LOXL4: variants seen among roughly 807,000 people sequenced by gnomAD.
The protein encoded by LOXL4 is lysyl oxidase homolog 4.
LOXL4 carries 72 observed loss-of-function variants against 89.1 expected under a neutral mutation model. That is an observed-to-expected ratio of 0.81 (90% CI 0.67 to 0.98). The LOEUF (loss-of-function observed/expected upper bound fraction) is 0.98. Ranked by LOEUF, LOXL4 falls within the 50% of genes least tolerant of loss-of-function variation. The pLI is 0.00. For missense variants in LOXL4, 984 were observed against 1,017.5 expected (o/e 0.97, Z 0.45); for synonymous variants, 355 against 392.1 (o/e 0.91, Z 1.12).
intron 14 of LOXL4, among the ~76,000 whole-genome samples, chr10:98,250,385 C>T (rs1345286385): frequency 6.6e-6 from 1 of 152,228 alleles, no homozygotes; most frequent in East Asian, 1.9e-4. Context: ...TTCTGGGGCA[C>T]AGCGTTCAAC....
Position 98,260,941 on chromosome 10 carries a change from C to A in LOXL4, c.643G>T (p.Val215Phe). Residue 215 changes from valine (V) to phenylalanine (F), a missense_variant, in exon 4 of 15, where the codon GTC (valine) becomes TTC (phenylalanine). By Grantham distance (50) the Val-to-Phe change is conservative. Transcript: ENST00000260702. Reference sequence around the variant, plus strand: ...TCCTACCTGTAGTAGTGGCTGTCGACAGGCACCTCGCTGGGGAAGCCCAGC... The same window carrying A: ...TCCTACCTGTAGTAGTGGCTGTCGAAAGGCACCTCGCTGGGGAAGCCCAGC... Reference protein sequence around the residue: ...GMLGFPSEVPVDSHYYRKVWD... With the variant: ...GMLGFPSEVPFDSHYYRKVWD... 1 of 1,612,148 alleles carries A rather than the reference C, an allele frequency of 6.2e-7. No individual in the cohort carries two copies. The highest frequency in any genetic ancestry group is 1.1e-5 in the South Asian group (1 of 90,854).
At chr10:98,255,011 G>C (rs1326455909) in intron 10 of LOXL4, among the ~76,000 whole-genome samples, 1 of 152,236 alleles carries the variant, frequency 6.6e-6, no homozygotes, top group Non-Finnish European at 1.5e-5. Context: ...ACCTGGCTGG[G>C]AGATGTCAGA....
chr10:98,259,544 T>G (rs1858481076), intron 4 of LOXL4, 115 bp from the exon 5 acceptor site: 2 of 893,556 alleles, frequency 2.2e-6, no homozygotes, highest in Non-Finnish European at 3.7e-6. Flanking sequence ...TTTGTAAACT[T>G]ATTCACTAAT....
intron 1 of LOXL4, among the ~76,000 whole-genome samples, chr10:98,265,607 C>T (rs907353876): frequency 1.2e-5 from 1 of 82,410 alleles, no homozygotes; most frequent in Non-Finnish European, 2.9e-5. Context: ...GGTTTCACCA[C>T]ATCAGTTCTT....
At chr10:98,249,753 A>G (rs1394720716) in intron 14 of LOXL4, among the ~76,000 whole-genome samples, 3 of 152,254 alleles carry the variant, frequency 2.0e-5, no homozygotes, top group East Asian at 3.9e-4. Context: ...GCCTGATTCT[A>G]GCATTATGGA....
At chr10:98,256,566 C>G (rs142094494) in intron 9 of LOXL4, 139 of 588,698 alleles carry the variant, frequency 2.4e-4, no homozygotes, top group African/African-American at 2.0e-3. Context: ...ATCTTTCCTG[C>G]AGATGCAAAT....
At chr10:98,259,469 G>A in intron 4 of LOXL4, 40 bp from the exon 5 acceptor site, 1 of 1,590,214 alleles carries the variant, frequency 6.3e-7, no homozygotes. Context: ...GAAGGGGTGT[G>A]GAAGTCCCAC....
At position 98,248,930 on chromosome 10, in the gene LOXL4, G is replaced by T; in HGVS notation, c.2262C>A (p.Asn754Lys). 1 of 1,613,658 alleles carries T rather than the reference G, an allele frequency of 6.2e-7. No homozygotes were observed. ...SLEQEQRLRN[N>K]LI Reference sequence around the variant, plus strand: ...GTGTGCAGTGACAGCTTCAGATGAGGTTGTTCCTGAGACGCTGTTCCTGCT... The same window carrying T: ...GTGTGCAGTGACAGCTTCAGATGAGTTTGTTCCTGAGACGCTGTTCCTGCT... The change falls in exon 15 of 15, where the codon AAC becomes AAA. Residue 754 changes from asparagine to lysine, a missense_variant. Coordinates refer to ENST00000260702, the MANE Select transcript of LOXL4 (RefSeq NM_032211.7).
In LOXL4 at chr10:98,252,428, G is replaced by A. The variant is rs747951884; in HGVS notation, c.1876C>T (p.Leu626Phe). 6 of 1,614,174 alleles carry A rather than the reference G, an allele frequency of 3.7e-6. No individual in the cohort carries two copies. In the Admixed American group the frequency reaches 8.3e-5, roughly 22 times the overall value. The change falls in exon 12 of 15, where the codon CTC becomes TTC. Residue 626 changes from leucine to phenylalanine, a missense_variant. Physicochemically the swap from Leu to Phe is conservative, Grantham distance 22 (BLOSUM62 0). Transcript: ENST00000260702. Reference sequence around the variant, plus strand: ...GCCACCTTGGAGCCATTGAGAGTGAGGAGGTCGTAGTGGGTGAAGACCTCA... The same window carrying A: ...GCCACCTTGGAGCCATTGAGAGTGAAGAGGTCGTAGTGGGTGAAGACCTCA... ...SIEVFTHYDL[L>F]TLNGSKVAEG... is the part of the protein sequence containing the mutation.
intron 14 of LOXL4, 135 bp from the exon 15 acceptor site, chr10:98,249,126 T>C: frequency 1.5e-6 from 1 of 682,066 alleles, no homozygotes; most frequent in Non-Finnish European, 2.6e-6. Context: ...CCAATCATTT[T>C]ATAGAAATAG....
In LOXL4 at chr10:98,251,484, C is replaced by T; in HGVS notation, c.2088+82G>A. 34 of 1,556,018 alleles carry T rather than the reference C, an allele frequency of 2.2e-5. No individual in the cohort carries two copies. In the South Asian group the frequency reaches 4.1e-4, roughly 19 times the overall value. ...TGTCGGAAACCCTGTATGGGAAATT[C>T]TTCCCTTCATTTGCCCTCAGGGAAA... On this transcript the variant is annotated intron_variant, in intron 13 of 14. Transcript: ENST00000260702.
intron 7 of LOXL4, 28 bp downstream of exon 7, chr10:98,257,953 C>T (rs769822195): frequency 4.3e-6 from 7 of 1,610,886 alleles, no homozygotes; most frequent in Non-Finnish European, 5.9e-6. Flanking sequence ...TCCAGGCCTT[C>T]TAACCCCTCC....
intron 11 of LOXL4, 144 bp from the exon 12 acceptor site, chr10:98,252,612 G>T: frequency 1.7e-6 from 1 of 601,074 alleles, no homozygotes; most frequent in Non-Finnish European, 3.0e-6. Context: ...TCCCAAACCC[G>T]AGATTAGTGT....
intron 6 of LOXL4, 92 bp downstream of exon 6, chr10:98,258,917 T>C: frequency 1.0e-6 from 1 of 963,504 alleles, no homozygotes; most frequent in Non-Finnish European, 1.5e-6. Flanking sequence ...TCCTCTCTCC[T>C]GCGTGTCCTG....
At chr10:98,255,267 T>C (rs1428755387) in intron 10 of LOXL4, among the ~76,000 whole-genome samples, 11 of 152,262 alleles carry the variant, frequency 7.2e-5, no homozygotes, top group Non-Finnish European at 1.6e-4. Flanking sequence ...AAGGAAAAAC[T>C]GCCCTTGCTG....
chr10:98,262,715 A>T, intron 2 of LOXL4, 28 bp downstream of exon 2: 7 of 1,598,140 alleles, frequency 4.4e-6, no homozygotes, highest in Non-Finnish European at 6.0e-6. Context: ...TCTCCTTGCC[A>T]TCCCACTAGG....
intron 9 of LOXL4, chr10:98,256,023 T>C: frequency 2.9e-6 from 1 of 343,420 alleles, no homozygotes; most frequent in Admixed American, 4.4e-5. Context: ...AGGAGGGTCC[T>C]GTTCCCCGCC....
At chr10:98,266,370 T>A (rs11189529) in intron 1 of LOXL4, among the ~76,000 whole-genome samples, 47,142 of 152,082 alleles carry the variant, frequency 0.31, 7,473 homozygotes, top group Non-Finnish European at 0.35. Flanking sequence ...ACAGCCCCCC[T>A]ATCCGACATG....
In LOXL4 at chr10:98,259,442, A is replaced by G; in HGVS notation, c.663-13T>C. On this transcript the variant is annotated splice_polypyrimidine_tract_variant and intron_variant, in intron 4 of 14. Transcript: ENST00000260702. ...ATCCCAGACTTTCCTGTTATGGGAGAAAACAGATAGGAGGTGGAAGGGGTG... is the reference window on the plus strand; with the variant it reads ...ATCCCAGACTTTCCTGTTATGGGAGGAAACAGATAGGAGGTGGAAGGGGTG... The G allele has an allele frequency of 6.2e-7, 1 of 1,612,272 alleles. No individual in the cohort carries two copies. Among genetic ancestry groups the G allele is most frequent in the Non-Finnish European group, 8.5e-7 (1 of 1,179,230 alleles).
Sources: gnomAD v4.1 joint callset for allele counts (sites outside exome capture counted in the v4.1 genomes callset) on GRCh38, gnomAD v4.1.1 for gene constraint, MANE v1.5 for transcripts, NCBI Gene and HGNC (gene_info 2026-07-23, HGNC 2026-07-21) for gene names.